Variants in MYO7B observed in about 807,000 individuals in gnomAD.
MYO7B encodes unconventional myosin-VIIb.
Under a neutral mutation model 259.7 loss-of-function variants are expected in MYO7B, and 212 were observed. The ratio of observed to expected loss-of-function variants is 0.82; its 90% confidence interval spans 0.73 to 0.91. MYO7B has a LOEUF of 0.91. MYO7B is among the 40% of genes least tolerant of loss of function. The pLI, the probability that MYO7B is intolerant of heterozygous loss-of-function variation, is 0.00. For synonymous variants in MYO7B, 1,197 were observed against 1,166.4 expected, an observed-to-expected ratio of 1.03 and a Z score of -0.54; for missense variants, 2,732 against 2,813.5, an observed-to-expected ratio of 0.97 and a Z score of 0.66.
At chr2:127,625,221 A>G (rs991801925) in intron 30 of MYO7B, 147 bp from the exon 31 acceptor site, 3 of 922,318 alleles carry the variant, frequency 3.3e-6, no homozygotes, top group African/African-American at 3.4e-5. Flanking sequence ...CAGTCAGGGC[A>G]TGCAGGGAGG....
chr2:127,539,499 T>C lies in MYO7B; in HGVS notation c.-24+3668T>C, dbSNP rs1692920409. 6.6e-6 allele frequency among the ~76,000 whole-genome samples: 1 copy of C among 152,154 alleles called. No individual in the cohort carries two copies. The highest frequency in any genetic ancestry group is 1.5e-5 in the Non-Finnish European group (1 of 68,026). On this transcript the variant is annotated intron_variant, in intron 1 of 47. Coordinates refer to ENST00000409816, the MANE Select transcript of MYO7B (RefSeq NM_001393586.1). This position sits in a 1 kb window ranked among gnomAD's most constrained non-coding sequence, Gnocchi z 4.0. ...GGGATAAAAAGGGAGAAAACGACAT[T>C]GGCTATAACAGGAAATTCAGGAGAG...
intron 26 of MYO7B, among the ~76,000 whole-genome samples, chr2:127,616,747 A>G (rs890465733): frequency 3.9e-5 from 6 of 152,228 alleles, no homozygotes; most frequent in African/African-American, 1.4e-4. Context: ...CCCCTGAAGC[A>G]GAGCTGTGGC....
At position 127,608,828 on chromosome 2, in the gene MYO7B, C is replaced by T. The variant is rs758326158; in HGVS notation, c.2764C>T (p.Leu922Phe). Residue 922 changes from leucine (L) to phenylalanine (F), a missense_variant, in exon 22 of 48, where the codon CTC becomes TTC. This residue lies in a region of MYO7B where 1,906 missense variants were observed against 2,026.4 expected (regional missense o/e 0.94). Transcript: ENST00000409816. ...TEMVEKVFGF[L>F]PAMIGGQEGQ... Reference sequence around the variant, plus strand: ...GATGGTGGAGAAGGTGTTCGGCTTCCTCCCTGCCATGATTGGGGGCCAGGA... The same window carrying T: ...GATGGTGGAGAAGGTGTTCGGCTTCTTCCCTGCCATGATTGGGGGCCAGGA... The T allele has an allele frequency of 6.2e-7, 1 of 1,613,420 alleles. No individual in the cohort carries two copies. The highest frequency in any genetic ancestry group is 1.7e-5 in the Admixed American group (1 of 60,010).
intron 31 of MYO7B, 142 bp from the exon 32 acceptor site, chr2:127,626,833 C>T (rs529393425): frequency 1.4e-6 from 1 of 729,886 alleles, no homozygotes; most frequent in Admixed American, 2.8e-5. Context: ...GTCCCAGGTG[C>T]CTCCCTACAG....
chr2:127,610,405 G>C (rs1482649510), intron 24 of MYO7B, among the ~76,000 whole-genome samples: 4 of 152,160 alleles, frequency 2.6e-5, no homozygotes, highest in Non-Finnish European at 4.4e-5. Context: ...ACAAGGTAGG[G>C]ATGACTATAT....
At chr2:127,567,125 C>T (rs898814840) in intron 5 of MYO7B, among the ~76,000 whole-genome samples, 3 of 152,098 alleles carry the variant, frequency 2.0e-5, no homozygotes, top group African/African-American at 7.2e-5. Context: ...CCCCAGGAGT[C>T]GGGCATAGTA....
chr2:127,571,551 G>A (rs1258510742), intron 6 of MYO7B, among the ~76,000 whole-genome samples: 1 of 150,624 alleles, frequency 6.6e-6, no homozygotes, highest in Non-Finnish European at 1.5e-5. Context: ...CACGATCTCG[G>A]CTCACTGCAA....
intron 1 of MYO7B, among the ~76,000 whole-genome samples, chr2:127,556,707 A>C (rs978899616): frequency 6.6e-6 from 1 of 152,242 alleles, no homozygotes; most frequent in South Asian, 2.1e-4. Context: ...AGGAGGCTGA[A>C]GATAGGGTCC....
chr2:127,612,179 G>A, intron 24 of MYO7B, 71 bp from the exon 25 acceptor site: 2 of 525,176 alleles, frequency 3.8e-6, no homozygotes, highest in Admixed American at 4.5e-5. Flanking sequence ...TCCACCCCAG[G>A]AGGCTGTGGG....
chr2:127,599,936 C>T (rs879261301), intron 19 of MYO7B, among the ~76,000 whole-genome samples: 12 of 152,040 alleles, frequency 7.9e-5, no homozygotes, highest in Non-Finnish European at 1.6e-4. Flanking sequence ...AGGATTTTTG[C>T]GTCTATATTC....
chr2:127,563,066 T>A (rs1031584575), intron 2 of MYO7B, among the ~76,000 whole-genome samples: 2 of 152,226 alleles, frequency 1.3e-5, no homozygotes, highest in African/African-American at 4.8e-5. Context: ...TTTCCTCAAT[T>A]TTTTCATTCG....
intron 21 of MYO7B, among the ~76,000 whole-genome samples, chr2:127,608,351 TGCCCTTTG>T (rs1177674310): frequency 6.6e-6 from 1 of 152,166 alleles, no homozygotes; most frequent in Non-Finnish European, 1.5e-5. Context: ...GGACCCTTTT[TGCCCTTTG>T]AATAAAGGGA....
intron 34 of MYO7B, among the ~76,000 whole-genome samples, chr2:127,629,041 C>T (rs940945658): frequency 6.6e-6 from 1 of 152,196 alleles, no homozygotes; most frequent in Non-Finnish European, 1.5e-5. Context: ...TATGGGGGAG[C>T]ATGGCAAAGC....
chr2:127,554,584 T>C (rs1693569011), intron 1 of MYO7B, among the ~76,000 whole-genome samples: 2 of 152,218 alleles, frequency 1.3e-5, no homozygotes. Context: ...ATTAGGGTGA[T>C]AATGGCTTCA....
chr2:127,593,623 G>C lies in MYO7B; in HGVS notation c.2223G>C (p.Gly741=), dbSNP rs779120341. The C allele has an allele frequency of 6.2e-7, 1 of 1,613,704 alleles. No homozygotes were observed. The highest frequency in any genetic ancestry group is 2.2e-5 in the East Asian group (1 of 44,878). Residue 741 remains glycine, a synonymous_variant, in exon 18 of 48, where the codon GGG becomes GGC. Transcript: ENST00000409816. The part of the protein sequence containing the change: ...WLRTDKDWKA[G]KTKIFLRDHQ... ...GGACAGACAAAGACTGGAAAGCGGG[G>C]AAGACAAAAATTTTCCTGAGGGTGA...
Position 127,574,070 on chromosome 2 carries a change from C to T in MYO7B, c.735+8C>T, listed in dbSNP as rs76746601. On this transcript the variant is annotated splice_region_variant and intron_variant, in intron 7 of 47. Coordinates refer to ENST00000409816, the MANE Select transcript of MYO7B (RefSeq NM_001393586.1). Reference sequence around the variant, plus strand: ...TCCCGGGTCTGCCGGCAGGTGAGGCCTCCCCCTTCCCAGGTCGGGAGTTGA... The same window carrying T: ...TCCCGGGTCTGCCGGCAGGTGAGGCTTCCCCCTTCCCAGGTCGGGAGTTGA... The T allele has an allele frequency of 6.2e-7, 1 of 1,613,628 alleles. No homozygotes were observed. Among genetic ancestry groups the T allele is most frequent in the Non-Finnish European group, 8.5e-7 (1 of 1,179,808 alleles).
chr2:127,607,223 G>A lies in MYO7B; in HGVS notation c.2442G>A (p.Glu814=), dbSNP rs1275392795. 3 of 1,549,176 alleles carry A rather than the reference G, an allele frequency of 1.9e-6. No homozygotes were observed. Among genetic ancestry groups the A allele is most frequent in the East Asian group, 4.9e-5 (2 of 40,918 alleles). ...CTCCGCAGATCCTCGTGGGCTTTGA[G>A]CGCCTGCAGGCTATTGCCCGGAGCC... The part of the protein sequence containing the change: ...RNFKLILVGF[E]RLQAIARSQP... The change falls in exon 21 of 48, where the codon GAG becomes GAA. Residue 814 remains glutamate (E), a synonymous_variant. Coordinates refer to ENST00000409816, the MANE Select transcript of MYO7B (RefSeq NM_001393586.1). This position sits in a 1 kb window ranked among gnomAD's most constrained non-coding sequence, Gnocchi z 4.4.
At position 127,618,343 on chromosome 2, in the gene MYO7B, A is replaced by G. The variant is rs971753653; in HGVS notation, c.3399-1997A>G. ...GGAAGAAAAAGGGCTCCCTACTCCTAGTAAGCAAAGACAGCCCCCACCCCA... is the reference window on the plus strand; with the variant it reads ...GGAAGAAAAAGGGCTCCCTACTCCTGGTAAGCAAAGACAGCCCCCACCCCA... On this transcript the variant is annotated intron_variant, in intron 26 of 47. Coordinates refer to ENST00000409816, the MANE Select transcript of MYO7B (RefSeq NM_001393586.1). Among the ~76,000 whole-genome samples the G allele has an allele frequency of 1.8e-4, 27 of 152,342 alleles. No homozygotes were observed. In the Middle Eastern group the frequency reaches 0.01, roughly 58 times the overall value.
At position 127,608,737 on chromosome 2, in the gene MYO7B, G is replaced by A. The variant is rs753368917; in HGVS notation, c.2673G>A (p.Gln891=). Residue 891 remains glutamine (Q), a synonymous_variant, in exon 22 of 48, where the codon CAG becomes CAA. Transcript: ENST00000409816. The stretch of plus-strand genomic sequence containing the variant: ...CGCTGGTCATCCCGGCCGAGGGGCA[G>A]AAAAGCCAAGGCGCTCTCCCTGCCA... ...NAPLVIPAEG[Q]KSQGALPAKK... is the part of the protein sequence containing the mutation. The A allele has an allele frequency of 5.0e-6, 8 of 1,612,988 alleles. No individual in the cohort carries two copies. In the South Asian group the frequency reaches 6.6e-5, roughly 13 times the overall value.
Sources: gnomAD v4.1 joint callset for allele counts (sites outside exome capture counted in the v4.1 genomes callset) on GRCh38, gnomAD v4.1.1 for gene constraint, gnomAD v4.1.1 regional missense constraint, Gnocchi (gnomAD v3.1) non-coding constraint, MANE v1.5 for transcripts, NCBI Gene and HGNC (gene_info 2026-07-23, HGNC 2026-07-21) for gene names.